The following RNLS variants were observed in gnomAD, a reference collection of about 807,000 sequenced individuals.
RNLS encodes renalase, FAD dependent amine oxidase.
A neutral mutation model predicts 39.8 loss-of-function variants in RNLS; 39 were observed. The ratio of observed to expected loss-of-function variants is 0.98; its 90% CI spans 0.76 to 1.28. RNLS has a LOEUF of 1.28. Ranked by LOEUF, RNLS falls within the 50% of genes most tolerant of loss-of-function variation. The pLI is 0.00. For missense variants in RNLS, 410 were observed against 413.3 expected (o/e 0.99, Z 0.07); for synonymous variants, 147 against 150.7 (o/e 0.98, Z 0.18).
chr10:88,447,270 T>G (rs1423888747), intron 4 of RNLS, among the ~76,000 whole-genome samples: 1 of 152,208 alleles, frequency 6.6e-6, no homozygotes, highest in Non-Finnish European at 1.5e-5. Context: ...AACCCCATCG[T>G]CTTACCACAA....
At chr10:88,341,196 G>A (rs1484372320) in intron 5 of RNLS, among the ~76,000 whole-genome samples, 3 of 151,626 alleles carry the variant, frequency 2.0e-5, no homozygotes, top group Non-Finnish European at 4.4e-5. Context: ...GGGTGTGGTG[G>A]TGCATGCCTG....
chr10:88,580,417 A>G (rs950686851), intron 3 of RNLS, among the ~76,000 whole-genome samples: 2 of 152,170 alleles, frequency 1.3e-5, no homozygotes, highest in African/African-American at 2.4e-5. Context: ...GGGGTTCTCA[A>G]TAAGTAATAT....
the RNLS span, among the ~76,000 whole-genome samples, chr10:88,179,049 C>T: frequency 2.0e-5 from 3 of 152,102 alleles, no homozygotes; most frequent in Non-Finnish European, 4.4e-5. Context: ...GAGATGTCAT[C>T]TCTAAAAAAA....
At chr10:88,350,286 G>A (rs950686823) in intron 5 of RNLS, among the ~76,000 whole-genome samples, 7 of 151,526 alleles carry the variant, frequency 4.6e-5, no homozygotes, top group Admixed American at 6.6e-5. Context: ...CAACGTGCAG[G>A]TTTGTTACAT....
At chr10:88,579,430 G>GA (rs1190622809) in intron 3 of RNLS, among the ~76,000 whole-genome samples, 1 of 152,074 alleles carries the variant, frequency 6.6e-6, no homozygotes, top group Non-Finnish European at 1.5e-5. Flanking sequence ...TTATTTCTAC[G>GA]ACCTGCCTTG....
chr10:88,277,482 GA>G (rs949443833), intron 6 of RNLS, among the ~76,000 whole-genome samples: 14 of 150,012 alleles, frequency 9.3e-5, no homozygotes, highest in Non-Finnish European at 1.6e-4. Context: ...TATAATAAAA[GA>G]AAAAAAAAGA....
At chr10:88,336,977 C>A (rs1847548556) in intron 5 of RNLS, among the ~76,000 whole-genome samples, 1 of 152,010 alleles carries the variant, frequency 6.6e-6, no homozygotes, top group South Asian at 2.1e-4. Context: ...TTAAGCCTGA[C>A]ACATTAGGTC....
chr10:88,246,032 T>C, the RNLS span, among the ~76,000 whole-genome samples: 1 of 152,208 alleles, frequency 6.6e-6, no homozygotes, highest in East Asian at 1.9e-4. Context: ...GCAACCCACA[T>C]GTGGGAGAAT....
chr10:88,420,040 AAATAAATAAATAAATAAATGAATG>A (rs777417108), intron 4 of RNLS, among the ~76,000 whole-genome samples: 182 of 118,024 alleles, frequency 1.5e-3, no homozygotes, highest in Admixed American at 5.1e-3. Context: ...ATAAATAAAT[AAATAAATAAATAAATAAATGAATG>A]AATAAATAAA....
At chr10:88,317,189 A>C (rs1190192356) in intron 5 of RNLS, among the ~76,000 whole-genome samples, 1 of 152,236 alleles carries the variant, frequency 6.6e-6, no homozygotes, top group Non-Finnish European at 1.5e-5. Context: ...CAATGGCTAT[A>C]GAGTCAGAAG....
At chr10:88,264,521 A>C in the RNLS span, among the ~76,000 whole-genome samples, 1 of 152,082 alleles carries the variant, frequency 6.6e-6, no homozygotes, top group African/African-American at 2.4e-5. Context: ...TTCTTGTAGG[A>C]GTAAGGTGGT....
intron 4 of RNLS, among the ~76,000 whole-genome samples, chr10:88,400,388 AATCT>A (rs944496899): frequency 5.3e-5 from 8 of 151,838 alleles, no homozygotes; most frequent in Admixed American, 3.9e-4. Flanking sequence ...AACATAATGC[AATCT>A]TTTGTCATAC....
chr10:88,247,405 G>T, the RNLS span, among the ~76,000 whole-genome samples: 1 of 152,134 alleles, frequency 6.6e-6, no homozygotes, highest in East Asian at 1.9e-4. Flanking sequence ...AAGGCCTTAA[G>T]GTCAGAAAAA....
chr10:88,184,308 C>A, the RNLS span, among the ~76,000 whole-genome samples: 1 of 152,108 alleles, frequency 6.6e-6, no homozygotes, highest in Non-Finnish European at 1.5e-5. Flanking sequence ...CACTCACTCC[C>A]TGTAATACCC....
chr10:88,491,606 T>C (rs1319051565), intron 4 of RNLS, among the ~76,000 whole-genome samples: 1 of 152,138 alleles, frequency 6.6e-6, no homozygotes, highest in Non-Finnish European at 1.5e-5. Context: ...AACAAACTAT[T>C]CCCAGAGAAA....
intron 4 of RNLS, among the ~76,000 whole-genome samples, chr10:88,545,216 T>C (rs1460034586): frequency 6.6e-6 from 1 of 152,188 alleles, no homozygotes; most frequent in East Asian, 1.9e-4. Flanking sequence ...TTTTCCCTTA[T>C]CTTATCTTGG....
intron 4 of RNLS, among the ~76,000 whole-genome samples, chr10:88,426,076 C>T (rs1327699259): frequency 6.6e-6 from 1 of 152,034 alleles, no homozygotes; most frequent in Non-Finnish European, 1.5e-5. Flanking sequence ...AATATGACTT[C>T]ATTCATTCAT....
rs184947064 is a variant in RNLS, at chr10:88,569,857, A to C, written c.526+3046T>G. ...AAGCTAAAAAAATAAAAAATAAAAA[A>C]TAAAGATTATATCATAGTATTCTAG... On this transcript the variant is annotated intron_variant, in intron 4 of 6. Coordinates refer to ENST00000331772, the MANE Select transcript of RNLS (RefSeq NM_001031709.3). Among the ~76,000 whole-genome samples, 18 of 152,258 alleles carry C rather than the reference A, an allele frequency of 1.2e-4. No homozygotes were observed. In the East Asian group the frequency reaches 3.5e-3, roughly 29 times the overall value.
At chr10:88,228,785 G>C in the RNLS span, among the ~76,000 whole-genome samples, 1 of 152,092 alleles carries the variant, frequency 6.6e-6, no homozygotes, top group Non-Finnish European at 1.5e-5. Context: ...ACTTTATCTC[G>C]TTTCTTCCTG....
Sources: allele counts gnomAD v4.1 joint callset (sites outside exome capture counted in the v4.1 genomes callset), GRCh38; gene constraint gnomAD v4.1.1; transcripts MANE v1.5; gene names NCBI Gene and HGNC (gene_info 2026-07-23, HGNC 2026-07-21).